Variants in PTPRM observed in about 807,000 individuals in gnomAD.
PTPRM encodes protein tyrosine phosphatase receptor type M, also known as receptor-type tyrosine-protein phosphatase mu.
Under a neutral mutation model 186.7 loss-of-function variants are expected in PTPRM, and 47 were observed. That is an observed-to-expected ratio of 0.25 (90% CI 0.20 to 0.32). The LOEUF (loss-of-function observed/expected upper bound fraction) is 0.32, where lower values mean the gene tolerates loss of function less well. PTPRM is among the 10% of genes least tolerant of loss of function. The pLI is 1.00. For synonymous variants in PTPRM, 668 were observed against 674.9 expected, an observed-to-expected ratio of 0.99 and a Z score of 0.16; for missense variants, 1,494 against 1,865.0, an observed-to-expected ratio of 0.80 and a Z score of 3.66.
At chr18:8,165,467 G>A (rs568750703) in intron 14 of PTPRM, among the ~76,000 whole-genome samples, 12 of 152,254 alleles carry the variant, frequency 7.9e-5, no homozygotes, top group Non-Finnish European at 1.2e-4. Flanking sequence ...GCATGTCACC[G>A]GCAGTATTCC....
Position 7,795,004 on chromosome 18 carries a change from C to T in PTPRM, c.196+20733C>T, listed in dbSNP as rs118130152. ...CAGTCTACATCCTGGCTTACAAAAG[C>T]GAAGCTCACATATATTTAAAAGATG... On this transcript the variant is annotated intron_variant, in intron 2 of 32. Transcript: ENST00000580170. Among the ~76,000 whole-genome samples, 36 of 152,272 alleles carry T rather than the reference C, an allele frequency of 2.4e-4. No homozygotes were observed. In the East Asian group the frequency reaches 4.6e-3, roughly 20 times the overall value.
At chr18:7,715,394 A>G (rs2040305487) in intron 1 of PTPRM, among the ~76,000 whole-genome samples, 2 of 152,356 alleles carry the variant, frequency 1.3e-5, no homozygotes. Context: ...ACCCACAGCC[A>G]ATATCATACT....
intron 14 of PTPRM, among the ~76,000 whole-genome samples, chr18:8,187,926 G>T (rs1486144151): frequency 6.6e-6 from 1 of 152,226 alleles, no homozygotes; most frequent in Non-Finnish European, 1.5e-5. Context: ...TTGGTATGCA[G>T]ATGGCAACTG....
intron 1 of PTPRM, among the ~76,000 whole-genome samples, chr18:7,575,584 TTGC>T (rs2036668108): frequency 6.6e-6 from 1 of 152,218 alleles, no homozygotes; most frequent in Non-Finnish European, 1.5e-5. Context: ...GTGTCATATG[TTGC>T]TGCTAATCTA....
intron 7 of PTPRM, among the ~76,000 whole-genome samples, chr18:8,011,069 G>A (rs1017816511): frequency 1.3e-5 from 2 of 152,312 alleles, no homozygotes; most frequent in Non-Finnish European, 2.9e-5. Flanking sequence ...AAAGTATTTT[G>A]ATTTAAGAAA....
At chr18:7,673,642 ATTAC>A (rs910627436) in intron 1 of PTPRM, among the ~76,000 whole-genome samples, 39 of 152,342 alleles carry the variant, frequency 2.6e-4, no homozygotes, top group African/African-American at 8.4e-4. Flanking sequence ...TTCATCACAT[ATTAC>A]TTGTTTTTCC....
At chr18:8,357,899 T>C (rs1287512211) in intron 23 of PTPRM, among the ~76,000 whole-genome samples, 1 of 152,168 alleles carries the variant, frequency 6.6e-6, no homozygotes, top group Non-Finnish European at 1.5e-5. Flanking sequence ...ACTCGCAGAC[T>C]AAAGCAAGGA....
At chr18:8,276,896 G>T (rs963305202) in intron 19 of PTPRM, among the ~76,000 whole-genome samples, 3 of 151,848 alleles carry the variant, frequency 2.0e-5, no homozygotes, top group Non-Finnish European at 2.9e-5. Flanking sequence ...TCTCCTAATT[G>T]TGAATGACAG....
intron 4 of PTPRM, among the ~76,000 whole-genome samples, chr18:7,906,881 G>A (rs775059486): frequency 1.3e-5 from 2 of 152,150 alleles, no homozygotes; most frequent in African/African-American, 4.8e-5. Context: ...TTTAGAATTC[G>A]CTTTTCAGTA....
At chr18:7,636,848 C>A (rs1013381831) in intron 1 of PTPRM, among the ~76,000 whole-genome samples, 1 of 152,092 alleles carries the variant, frequency 6.6e-6, no homozygotes, top group African/African-American at 2.4e-5. Context: ...ACTTTACAGT[C>A]ATATCAATTA....
chr18:8,225,279 A>G (rs2094199943), intron 14 of PTPRM, among the ~76,000 whole-genome samples: 1 of 152,232 alleles, frequency 6.6e-6, no homozygotes, highest in African/African-American at 2.4e-5. Context: ...TAGTGTCATT[A>G]TCAGTGATTT....
At chr18:8,195,152 CTTTTTTTTTT>C (rs1164451439) in intron 14 of PTPRM, among the ~76,000 whole-genome samples, 5 of 117,066 alleles carry the variant, frequency 4.3e-5, no homozygotes, top group Admixed American at 3.5e-4. Flanking sequence ...CTTAGAAGTT[CTTTTTTTTTT>C]TTTTTTTTTT....
chr18:7,920,742 T>G (rs1396319738), intron 4 of PTPRM, among the ~76,000 whole-genome samples: 1 of 152,228 alleles, frequency 6.6e-6, no homozygotes, highest in East Asian at 1.9e-4. Flanking sequence ...TTTTTTCCTT[T>G]CAGATTGAAG....
At chr18:7,791,871 T>C (rs2043360128) in intron 2 of PTPRM, among the ~76,000 whole-genome samples, 1 of 152,206 alleles carries the variant, frequency 6.6e-6, no homozygotes, top group Admixed American at 6.5e-5. Flanking sequence ...GATATAAAAG[T>C]CAAGAATTAA....
intron 4 of PTPRM, among the ~76,000 whole-genome samples, chr18:7,920,025 A>G (rs1043897657): frequency 6.6e-6 from 1 of 151,612 alleles, no homozygotes. Flanking sequence ...TTTGTTTTCC[A>G]GTTAGATGGA....
intron 1 of PTPRM, among the ~76,000 whole-genome samples, chr18:7,637,179 A>AC (rs1487806875): frequency 1.1e-4 from 16 of 151,870 alleles, no homozygotes; most frequent in African/African-American, 3.9e-4. Context: ...AAAAAAAAAA[A>AC]AAAAAAACAG....
intron 5 of PTPRM, among the ~76,000 whole-genome samples, chr18:7,936,799 T>C (rs2088462486): frequency 6.6e-6 from 1 of 152,116 alleles, no homozygotes; most frequent in African/African-American, 2.4e-5. Flanking sequence ...CAGCACACAC[T>C]TCCTCCCCTC....
chr18:7,881,755 C>T (rs1000506465), intron 2 of PTPRM, among the ~76,000 whole-genome samples: 3 of 152,078 alleles, frequency 2.0e-5, no homozygotes, highest in African/African-American at 7.2e-5. Flanking sequence ...TTCCATGTGC[C>T]GTGGCCTATT....
chr18:8,289,932 G>T (rs578173464), intron 19 of PTPRM, among the ~76,000 whole-genome samples: 1 of 152,162 alleles, frequency 6.6e-6, no homozygotes, highest in African/African-American at 2.4e-5. Flanking sequence ...TCTCTTAGCC[G>T]TGAAGCATCA....
Sources: allele counts gnomAD v4.1 joint callset (sites outside exome capture counted in the v4.1 genomes callset), GRCh38; gene constraint gnomAD v4.1.1; transcripts MANE v1.5; gene names NCBI Gene and HGNC (gene_info 2026-07-23, HGNC 2026-07-21).